The following ROBO2 variants were observed in gnomAD, a reference collection of about 807,000 sequenced individuals.
The protein encoded by ROBO2 is roundabout homolog 2.
A neutral mutation model predicts 160.8 loss-of-function variants in ROBO2; 53 were observed. That is an observed-to-expected ratio of 0.33 (90% CI 0.26 to 0.41). The LOEUF (loss-of-function observed/expected upper bound fraction) is 0.41. ROBO2 is among the 10% of genes least tolerant of loss of function. The pLI is 1.00. For missense variants in ROBO2, 1,577 were observed against 1,722.4 expected (o/e 0.92, Z 1.49); for synonymous variants, 664 against 611.7 (o/e 1.09, Z -1.26).
At chr3:76,801,575 A>G (rs1218631291) in intron 2 of ROBO2, among the ~76,000 whole-genome samples, 1 of 131,196 alleles carries the variant, frequency 7.6e-6, no homozygotes, top group Non-Finnish European at 1.5e-5. Context: ...ATGTATCCAT[A>G]AAGTTTTTTT....
intron 8 of ROBO2, among the ~76,000 whole-genome samples, chr3:77,555,139 T>C (rs145312454): frequency 1.3e-5 from 2 of 152,142 alleles, no homozygotes; most frequent in African/African-American, 4.8e-5. Context: ...TTAGCATTTT[T>C]TAGCAATAAA....
intron 2 of ROBO2, among the ~76,000 whole-genome samples, chr3:76,906,579 A>G (rs2075620918): frequency 6.6e-6 from 1 of 152,020 alleles, no homozygotes; most frequent in Non-Finnish European, 1.5e-5. Flanking sequence ...TTTGATCTGA[A>G]GAATAACACT....
chr3:76,736,813 T>C (rs1444404058), intron 2 of ROBO2, among the ~76,000 whole-genome samples: 1 of 152,212 alleles, frequency 6.6e-6, no homozygotes, highest in Admixed American at 6.5e-5. Flanking sequence ...AAGCCTAGCA[T>C]AAAATCATCA....
At chr3:77,573,011 T>C (rs1264538139) in intron 13 of ROBO2, among the ~76,000 whole-genome samples, 1 of 152,012 alleles carries the variant, frequency 6.6e-6, no homozygotes, top group African/African-American at 2.4e-5. Context: ...TAATTCTCTT[T>C]TTTATTTCCT....
chr3:76,046,949 C>G (rs72892618), intron 2 of ROBO2, among the ~76,000 whole-genome samples: 7,222 of 152,254 alleles, frequency 0.047, 400 homozygotes, highest in African/African-American at 0.13. Context: ...GACCACATTT[C>G]TGACACCATC....
At chr3:76,518,507 C>T (rs1362944932) in intron 2 of ROBO2, among the ~76,000 whole-genome samples, 1 of 152,106 alleles carries the variant, frequency 6.6e-6, no homozygotes, top group Non-Finnish European at 1.5e-5. Context: ...TTCCATACAA[C>T]ATTTTTCACT....
chr3:76,050,149 C>T (rs964817985), intron 2 of ROBO2, among the ~76,000 whole-genome samples: 1 of 152,114 alleles, frequency 6.6e-6, no homozygotes, highest in African/African-American at 2.4e-5. Flanking sequence ...TAGAACCACC[C>T]TCAATCTGGG....
chr3:76,085,337 G>T (rs780032247), intron 2 of ROBO2, among the ~76,000 whole-genome samples: 2 of 151,896 alleles, frequency 1.3e-5, no homozygotes, highest in South Asian at 2.1e-4. Flanking sequence ...GTGTTCTTTC[G>T]TTGACCTGAT....
chr3:76,946,389 C>T (rs2078543041), intron 2 of ROBO2, among the ~76,000 whole-genome samples: 1 of 151,646 alleles, frequency 6.6e-6, no homozygotes, highest in Non-Finnish European at 1.5e-5. Context: ...TGTAGGGCTC[C>T]CAGATTCTCT....
intron 2 of ROBO2, among the ~76,000 whole-genome samples, chr3:77,289,842 G>A (rs2060959106): frequency 6.6e-6 from 1 of 151,930 alleles, no homozygotes; most frequent in Non-Finnish European, 1.5e-5. Context: ...GGTAAGCTGA[G>A]GCTAGGTCAC....
intron 5 of ROBO2, among the ~76,000 whole-genome samples, chr3:77,496,438 A>G (rs1294773030): frequency 6.6e-6 from 1 of 152,156 alleles, no homozygotes; most frequent in African/African-American, 2.4e-5. Flanking sequence ...AGAGAAAGAC[A>G]CCTCTTTCCT....
chr3:76,398,753 G>T (rs1258554592), intron 2 of ROBO2, among the ~76,000 whole-genome samples: 4 of 151,222 alleles, frequency 2.6e-5, no homozygotes, highest in African/African-American at 9.7e-5. Flanking sequence ...TATTCTATTG[G>T]TTTAGTATAT....
intron 2 of ROBO2, among the ~76,000 whole-genome samples, chr3:76,498,413 T>C (rs1049348309): frequency 6.6e-6 from 1 of 152,112 alleles, no homozygotes; most frequent in African/African-American, 2.4e-5. Flanking sequence ...AATAACAGTA[T>C]ATTGTATTCT....
intron 2 of ROBO2, among the ~76,000 whole-genome samples, chr3:76,993,203 G>A (rs962239168): frequency 2.1e-5 from 3 of 140,372 alleles, no homozygotes; most frequent in African/African-American, 8.9e-5. Context: ...CTGACTTACA[G>A]TCAATCTCCT....
chr3:76,836,865 G>A (rs959305147), intron 2 of ROBO2, among the ~76,000 whole-genome samples: 6 of 151,894 alleles, frequency 4.0e-5, no homozygotes, highest in Admixed American at 1.3e-4. Flanking sequence ...CTGCTGTTGG[G>A]TGGAGTGTTC....
At chr3:77,509,792 C>T (rs1361302620) in intron 5 of ROBO2, among the ~76,000 whole-genome samples, 3 of 152,008 alleles carry the variant, frequency 2.0e-5, no homozygotes, top group African/African-American at 4.8e-5. Context: ...AAATTTGTCA[C>T]GGCTGCCTAC....
At chr3:77,284,687 CT>C (rs2060466059) in intron 2 of ROBO2, among the ~76,000 whole-genome samples, 2 of 152,060 alleles carry the variant, frequency 1.3e-5, no homozygotes, top group African/African-American at 4.8e-5. Context: ...TTCTTCTTTG[CT>C]GTTTAATAAG....
intron 2 of ROBO2, among the ~76,000 whole-genome samples, chr3:76,753,109 C>A (rs1024270766): frequency 6.6e-6 from 1 of 151,764 alleles, no homozygotes. Context: ...AATGTCTTGT[C>A]AAAGACTTAA....
chr3:76,280,313 T>C (rs564987738), intron 2 of ROBO2, among the ~76,000 whole-genome samples: 2 of 152,042 alleles, frequency 1.3e-5, no homozygotes, highest in East Asian at 3.9e-4. Context: ...TATCTGGAGA[T>C]AGGGTCTTCA....
Sources: allele counts gnomAD v4.1 joint callset (sites outside exome capture counted in the v4.1 genomes callset), GRCh38; gene constraint gnomAD v4.1.1; transcripts MANE v1.5; gene names NCBI Gene and HGNC (gene_info 2026-07-23, HGNC 2026-07-21).